TMEM87B: variants seen among roughly 807,000 people sequenced by gnomAD.
The protein encoded by TMEM87B is transmembrane protein 87B.
TMEM87B carries 83 observed loss-of-function variants against 80.3 expected under a neutral mutation model. The observed-to-expected ratio is 1.03, with a 90% CI of 0.87 to 1.24. The LOEUF is 1.24. TMEM87B is among the 50% of genes most tolerant of loss of function. TMEM87B has a pLI of 0.00. For missense variants in TMEM87B, 625 were observed against 674.4 expected, an observed-to-expected ratio of 0.93 and a Z score of 0.81; for synonymous variants, 219 against 230.5, an observed-to-expected ratio of 0.95 and a Z score of 0.45.
At chr2:112,058,671 A>G (rs146028885) in intron 1 of TMEM87B, among the ~76,000 whole-genome samples, 1,552 of 152,330 alleles carry the variant, frequency 0.01, 13 homozygotes, top group Non-Finnish European at 0.014. Context: ...TCTTAGACAT[A>G]ATGCTAATCA....
In TMEM87B at chr2:112,071,693, G is replaced by A. The variant is rs572838803; in HGVS notation, c.451-3219G>A. ...CAAGGAGCTTTTGGGCAGAGAGTAT[G>A]GGGTTTTCTAGATATATAATCATGT... is the stretch of plus-strand genomic sequence containing the variant. On this transcript the variant is annotated intron_variant, in intron 4 of 18. Transcript: ENST00000283206. Among the ~76,000 whole-genome samples the A allele has an allele frequency of 3.3e-4, 50 of 152,196 alleles. No homozygotes were observed. The South Asian group carries it at 4.4e-3, about 13-fold the overall frequency.
intron 5 of TMEM87B, among the ~76,000 whole-genome samples, chr2:112,076,102 A>G (rs1202645855): frequency 7.2e-5 from 11 of 152,024 alleles, no homozygotes; most frequent in Non-Finnish European, 2.9e-5. Flanking sequence ...AAAACCACAC[A>G]TTAGGCCGGG....
At chr2:112,065,777 C>T (rs541594361) in intron 3 of TMEM87B, among the ~76,000 whole-genome samples, 1 of 152,138 alleles carries the variant, frequency 6.6e-6, no homozygotes, top group African/African-American at 2.4e-5. Context: ...CATTTCCTTT[C>T]CTTGTTTTTG....
intron 17 of TMEM87B, among the ~76,000 whole-genome samples, chr2:112,108,605 T>C (rs1342393590): frequency 6.6e-6 from 1 of 152,228 alleles, no homozygotes; most frequent in Non-Finnish European, 1.5e-5. Flanking sequence ...GAATGTCTTC[T>C]GGCTTTCATA....
At position 112,063,411 on chromosome 2, in the gene TMEM87B, T is replaced by A. The variant is rs138836277; in HGVS notation, c.227-751T>A. 2.5e-3 allele frequency among the ~76,000 whole-genome samples: 378 copies of A among 152,328 alleles called. 2 individuals carry two copies. Among genetic ancestry groups the A allele is most frequent in the African/African-American group, 8.0e-3 (334 of 41,558 alleles). Reference sequence around the variant, plus strand: ...TCATTCAAAAGAAAGGCCAAACTCCTCAGCAGGGTCTAAGACCTCATGAAT... The same window carrying A: ...TCATTCAAAAGAAAGGCCAAACTCCACAGCAGGGTCTAAGACCTCATGAAT... On this transcript the variant is annotated intron_variant, in intron 2 of 18. Transcript: ENST00000283206.
intron 15 of TMEM87B, 74 bp from the exon 16 acceptor site, chr2:112,105,928 T>A: frequency 1.9e-6 from 2 of 1,068,988 alleles, no homozygotes; most frequent in Non-Finnish European, 2.6e-6. Context: ...TATTTTTTCT[T>A]ATCAGATTAT....
chr2:112,112,269 A>G (rs1455719164), intron 17 of TMEM87B, among the ~76,000 whole-genome samples: 1 of 152,282 alleles, frequency 6.6e-6, no homozygotes, highest in Non-Finnish European at 1.5e-5. Context: ...TTATATCTAT[A>G]TTATCTTTGT....
Position 112,116,139 on chromosome 2 carries a change from T to C in TMEM87B, c.1664T>C (p.Met555Thr). The change falls in exon 19 of 19, where the codon ATG (methionine) becomes ACG (threonine). Residue 555 changes from methionine (M) to threonine (T), a missense_variant. Coordinates refer to ENST00000283206, the MANE Select transcript of TMEM87B (RefSeq NM_032824.3). Reference sequence around the variant, plus strand: ...AAAATGTTCTCTTCAGAAAAGATAATGTGATTGGAACCCGTATAAGAAATG... The same window carrying C: ...AAAATGTTCTCTTCAGAAAAGATAACGTGATTGGAACCCGTATAAGAAATG... ...AEKMFSSEKI[M>T] is the part of the protein sequence containing the mutation. 6.2e-7 allele frequency: 1 copy of C among 1,612,346 alleles called. No individual in the cohort carries two copies. Among genetic ancestry groups the C allele is most frequent in the East Asian group, 2.2e-5 (1 of 44,822 alleles).
chr2:112,079,226 T>C (rs1020731086), intron 6 of TMEM87B, among the ~76,000 whole-genome samples: 8 of 152,186 alleles, frequency 5.3e-5, no homozygotes, highest in South Asian at 2.1e-4. Flanking sequence ...AACTTACTCC[T>C]CCTGTGTGAG....
chr2:112,107,539 CAAAAAAAAT>C lies in TMEM87B; in HGVS notation c.1525-246_1525-238del, dbSNP rs563385295. Among the ~76,000 whole-genome samples, 36 of 151,236 alleles carry C rather than the reference CAAAAAAAAT, an allele frequency of 2.4e-4. 2 individuals carry two copies. The Middle Eastern group carries it at 0.024, about 101-fold the overall frequency. ...GTGTTTTTACTGTGATTTCTCAGGA[CAAAAAAAAT>C]AATATTTCATACATCCAACTAAAAC... On this transcript the variant is annotated intron_variant, in intron 16 of 18. Coordinates refer to ENST00000283206, the MANE Select transcript of TMEM87B (RefSeq NM_032824.3).
chr2:112,090,610 A>G (rs1679271771), intron 10 of TMEM87B, among the ~76,000 whole-genome samples: 6 of 152,020 alleles, frequency 3.9e-5, no homozygotes, highest in Admixed American at 3.3e-4. Flanking sequence ...TATTTTTTGT[A>G]GAGACAGGGT....
chr2:112,112,817 G>A, intron 17 of TMEM87B, 82 bp from the exon 18 acceptor site: 1 of 1,301,258 alleles, frequency 7.7e-7, no homozygotes, highest in Non-Finnish European at 1.1e-6. Flanking sequence ...GTGGGCCATG[G>A]CATGTGCCTG....
Position 112,056,685 on chromosome 2 carries a change from A to C in TMEM87B, c.165+929A>C, listed in dbSNP as rs1017763896. 2.0e-5 allele frequency among the ~76,000 whole-genome samples: 3 copies of C among 152,334 alleles called. No individual in the cohort carries two copies. The East Asian group carries it at 5.8e-4, about 29-fold the overall frequency. On this transcript the variant is annotated intron_variant, in intron 1 of 18. Coordinates refer to ENST00000283206, the MANE Select transcript of TMEM87B (RefSeq NM_032824.3). ...TATTTTGATTTCCTTAACCAGAAAA[A>C]GAAAGTAGTTCCAAAGACTACAAAT... is the stretch of plus-strand genomic sequence containing the variant.
chr2:112,084,601 G>T (rs1038884294), intron 8 of TMEM87B, among the ~76,000 whole-genome samples: 1 of 152,118 alleles, frequency 6.6e-6, no homozygotes, highest in African/African-American at 2.4e-5. Flanking sequence ...ATCTATCTTC[G>T]AGGCATTTGA....
chr2:112,058,334 A>G (rs1678144649), intron 1 of TMEM87B, among the ~76,000 whole-genome samples: 1 of 152,220 alleles, frequency 6.6e-6, no homozygotes. Flanking sequence ...TGTGTTGGCC[A>G]AGGCAAGTCA....
In TMEM87B at chr2:112,112,927, G is replaced by A. The variant is rs1176380513; in HGVS notation, c.1606G>A (p.Glu536Lys). Reference sequence around the variant, plus strand: ...TCTTCCAGTGTTAGTGGATTCAGATGAGGTAAAATATATTTTTGCATATTT... The same window carrying A: ...TCTTCCAGTGTTAGTGGATTCAGATAAGGTAAAATATATTTTTGCATATTT... The part of the protein sequence containing the change: ...VALPVLVDSD[E>K]EIMTRSEMAE... The change falls in exon 18 of 19, where the codon GAG becomes AAG. Residue 536 changes from glutamate (E) to lysine (K), a missense_variant and splice_region_variant. Physicochemically the swap from Glu to Lys is moderately conservative, Grantham distance 56. Coordinates refer to ENST00000283206, the MANE Select transcript of TMEM87B (RefSeq NM_032824.3). 1 of 1,612,156 alleles carries A rather than the reference G, an allele frequency of 6.2e-7. No homozygotes were observed. Among genetic ancestry groups the A allele is most frequent in the African/African-American group, 1.3e-5 (1 of 74,798 alleles).
At chr2:112,108,979 T>C (rs1260214971) in intron 17 of TMEM87B, among the ~76,000 whole-genome samples, 1 of 152,240 alleles carries the variant, frequency 6.6e-6, no homozygotes, top group African/African-American at 2.4e-5. Flanking sequence ...CACTTATTAT[T>C]GTCCACCTTT....
intron 16 of TMEM87B, among the ~76,000 whole-genome samples, chr2:112,106,738 G>A (rs569969330): frequency 3.4e-4 from 52 of 152,272 alleles, no homozygotes; most frequent in African/African-American, 1.2e-3. Context: ...ATAACTATAT[G>A]TGCTGTGATT....
At chr2:112,104,594 A>G (rs1485417771) in intron 15 of TMEM87B, among the ~76,000 whole-genome samples, 1 of 152,246 alleles carries the variant, frequency 6.6e-6, no homozygotes, top group African/African-American at 2.4e-5. Flanking sequence ...GATGTGGAAC[A>G]GCTGGCTCTC....
Sources: gnomAD v4.1 joint callset for allele counts (sites outside exome capture counted in the v4.1 genomes callset) on GRCh38, gnomAD v4.1.1 for gene constraint, MANE v1.5 for transcripts, NCBI Gene and HGNC (gene_info 2026-07-23, HGNC 2026-07-21) for gene names.